Variants in NLGN4X observed in about 807,000 individuals in gnomAD.
NLGN4X encodes neuroligin 4 X-linked, also known as neuroligin-4, X-linked.
Under a neutral mutation model 40.3 loss-of-function variants are expected in NLGN4X, and 3 were observed. The observed-to-expected ratio is 0.07, with a 90% CI of 0.03 to 0.19. The LOEUF is 0.19. Ranked by LOEUF, NLGN4X falls within the 10% of genes least tolerant of loss-of-function variation. The probability of loss-of-function intolerance (pLI) is 1.00; values close to 1 mark genes in which losing one functional copy is unlikely to be tolerated. For synonymous variants in NLGN4X, 270 were observed against 306.8 expected, an observed-to-expected ratio of 0.88 and a Z score of 1.25; for missense variants, 382 against 708.3, an observed-to-expected ratio of 0.54 and a Z score of 5.23.
intron 3 of NLGN4X, among the ~76,000 whole-genome samples, chrX:6,017,980 A>G (rs2036434250): frequency 8.9e-6 from 1 of 111,987 alleles, no homozygotes; most frequent in Non-Finnish European, 1.9e-5. Context: ...TACATTTACA[A>G]CGGGTTTATT....
At chrX:6,167,827 A>G (rs1322137630) in intron 1 of NLGN4X, among the ~76,000 whole-genome samples, 1 of 112,170 alleles carries the variant, frequency 8.9e-6, no homozygotes, top group Non-Finnish European at 1.9e-5. Context: ...CTGAAACTCA[A>G]GAAGAGTAGG....
At chrX:6,158,753 A>C (rs1370917630) in intron 1 of NLGN4X, among the ~76,000 whole-genome samples, 1 of 111,675 alleles carries the variant, frequency 9.0e-6, no homozygotes, top group Non-Finnish European at 1.9e-5. Flanking sequence ...CCTATGTATT[A>C]AGCCCAGCAT....
chrX:6,191,556 A>G (rs1398377680), intron 1 of NLGN4X, among the ~76,000 whole-genome samples: 3 of 111,394 alleles, frequency 2.7e-5, no homozygotes, highest in Non-Finnish European at 5.7e-5. Flanking sequence ...CTCTACTAAA[A>G]ATACAAAAAT....
chrX:6,116,433 T>TTTTTTTTG (rs2039301884), intron 2 of NLGN4X, among the ~76,000 whole-genome samples: 1 of 56,454 alleles, frequency 1.8e-5, no homozygotes, highest in Non-Finnish European at 3.0e-5. Flanking sequence ...TTTTTTTTTT[T>TTTTTTTTG]GAGACAGCGT....
At chrX:5,987,764 C>T (rs748757878) in intron 3 of NLGN4X, among the ~76,000 whole-genome samples, 9 of 111,973 alleles carry the variant, frequency 8.0e-5, no homozygotes, top group African/African-American at 2.9e-4. Context: ...TTCTGTTTTC[C>T]ACTTCCTGTT....
chrX:6,081,442 G>GCACATCT (rs1187632921), intron 2 of NLGN4X, among the ~76,000 whole-genome samples: 1 of 112,435 alleles, frequency 8.9e-6, no homozygotes, highest in African/African-American at 3.2e-5. Flanking sequence ...AATGAAAACA[G>GCACATCT]CACATCTCTC....
chrX:6,180,271 G>C (rs1251548789), intron 1 of NLGN4X, among the ~76,000 whole-genome samples: 1 of 111,640 alleles, frequency 9.0e-6, no homozygotes, highest in East Asian at 2.8e-4. Flanking sequence ...TGGAGGTGGG[G>C]CCTGGTGGGA....
chrX:6,042,685 TTATATA>T (rs749649054), intron 2 of NLGN4X, among the ~76,000 whole-genome samples: 1,043 of 28,388 alleles, frequency 0.037, 57 homozygotes, highest in South Asian at 0.15. Flanking sequence ...CATAGAGGTT[TTATATA>T]TATATATATA....
At position 6,043,638 on chromosome X, in the gene NLGN4X, C is replaced by T. The variant is rs138010680; in HGVS notation, c.473-14206G>A. ...GCAAAAGGAGACATCTAAAAGCAGC[C>T]CAACTATTGTTCCTAGTCAAATCAT... On this transcript the variant is annotated intron_variant, in intron 2 of 5. Transcript: ENST00000381095. Among the ~76,000 whole-genome samples, 573 of 111,426 alleles carry T rather than the reference C, an allele frequency of 5.1e-3. 5 individuals carry two copies. Among genetic ancestry groups the T allele is most frequent in the African/African-American group, 0.018 (551 of 30,639 alleles).
chrX:6,067,503 A>G (rs1298403550), intron 2 of NLGN4X, among the ~76,000 whole-genome samples: 7 of 111,052 alleles, frequency 6.3e-5, no homozygotes, highest in Non-Finnish European at 1.3e-4. Context: ...TCACTCCAAT[A>G]TCGTAGTTGG....
intron 3 of NLGN4X, among the ~76,000 whole-genome samples, chrX:5,979,720 A>ATG (rs1313693467): frequency 1.0e-5 from 1 of 95,461 alleles, no homozygotes; most frequent in African/African-American, 5.1e-5. Flanking sequence ...TTTAGAATAT[A>ATG]TATATGTGTG....
At chrX:5,903,894 A>T (rs1321035857) in intron 4 of NLGN4X, 28 bp from the exon 5 acceptor site, 1 of 1,207,685 alleles carries the variant, frequency 8.3e-7, no homozygotes. Flanking sequence ...TGGACATGCA[A>T]ATGAAAACCC....
At chrX:5,946,625 T>C (rs2034130091) in intron 3 of NLGN4X, among the ~76,000 whole-genome samples, 1 of 111,553 alleles carries the variant, frequency 9.0e-6, no homozygotes, top group South Asian at 3.8e-4. Context: ...TAGGAGTGTT[T>C]CTCTGAGGTG....
chrX:5,900,871 C>T (rs867247824), intron 5 of NLGN4X, among the ~76,000 whole-genome samples: 1 of 111,067 alleles, frequency 9.0e-6, no homozygotes, highest in Non-Finnish European at 1.9e-5. Flanking sequence ...TGAGCCACTG[C>T]GCCCAGCATA....
chrX:6,010,554 A>C (rs1484072371), intron 3 of NLGN4X, among the ~76,000 whole-genome samples: 1 of 36,094 alleles, frequency 2.8e-5, no homozygotes, highest in Admixed American at 2.9e-4. Context: ...TTTTAGACGA[A>C]GTCTTGCTCT....
intron 1 of NLGN4X, among the ~76,000 whole-genome samples, chrX:6,162,880 T>C (rs986122345): frequency 8.9e-6 from 1 of 112,030 alleles, no homozygotes; most frequent in African/African-American, 3.2e-5. Flanking sequence ...CATATGTATG[T>C]GATATGGTTT....
At chrX:6,140,457 GACACACACACACACACAC>G (rs34281533) in intron 2 of NLGN4X, among the ~76,000 whole-genome samples, 47 of 96,023 alleles carry the variant, frequency 4.9e-4, no homozygotes, top group Admixed American at 3.0e-3. Context: ...TTCACACACA[GACACACACACACACACAC>G]ACACACACAC....
At chrX:6,114,683 T>C (rs1313086459) in intron 2 of NLGN4X, among the ~76,000 whole-genome samples, 1 of 111,632 alleles carries the variant, frequency 9.0e-6, no homozygotes, top group Non-Finnish European at 1.9e-5. Context: ...TGAGGATTTT[T>C]TTCTTAATAC....
intron 2 of NLGN4X, among the ~76,000 whole-genome samples, chrX:6,091,314 G>C (rs1170317178): frequency 9.0e-6 from 1 of 111,455 alleles, no homozygotes; most frequent in Non-Finnish European, 1.9e-5. Context: ...CCAAGGTCCT[G>C]CTTCCCTGGA....
Sources: gnomAD v4.1 joint callset for allele counts (sites outside exome capture counted in the v4.1 genomes callset) on GRCh38, gnomAD v4.1.1 for gene constraint, MANE v1.5 for transcripts, NCBI Gene and HGNC (gene_info 2026-07-23, HGNC 2026-07-21) for gene names.